AR: variants seen among roughly 807,000 people sequenced by gnomAD.
AR encodes androgen receptor, also known as dihydrotestosterone receptor.
Under a neutral mutation model 53.9 loss-of-function variants are expected in AR, and 8 were observed. The observed-to-expected ratio is 0.15, with a 90% CI of 0.09 to 0.27. The LOEUF is 0.27. Ranked by LOEUF, AR falls within the 10% of genes least tolerant of loss-of-function variation. The pLI, the probability that AR is intolerant of heterozygous loss-of-function variation, is 1.00. For synonymous variants in AR, 359 were observed against 316.4 expected (o/e 1.13, Z -1.43); for missense variants, 639 against 742.5 (o/e 0.86, Z 1.62).
intron 3 of AR, among the ~76,000 whole-genome samples, chrX:67,710,825 A>G (rs776375713): frequency 2.7e-5 from 3 of 111,955 alleles, no homozygotes; most frequent in East Asian, 2.8e-4. Flanking sequence ...ATCCTCATCA[A>G]TCTTCAAATT....
chrX:67,590,907 T>C (rs1358479384), intron 1 of AR, among the ~76,000 whole-genome samples: 1 of 112,104 alleles, frequency 8.9e-6, no homozygotes, highest in East Asian at 2.8e-4. Context: ...TGACAGGAAA[T>C]TGGCTGCGTT....
intron 1 of AR, among the ~76,000 whole-genome samples, chrX:67,606,584 T>C: frequency 8.9e-6 from 1 of 112,510 alleles, no homozygotes; most frequent in Non-Finnish European, 1.9e-5. Context: ...GATATTGAAC[T>C]GTTTTATGAA....
At chrX:67,654,486 G>A (rs1926496294) in intron 2 of AR, among the ~76,000 whole-genome samples, 1 of 110,429 alleles carries the variant, frequency 9.1e-6, no homozygotes, top group Non-Finnish European at 1.9e-5. Flanking sequence ...TACACTGTGA[G>A]TAACATTCCC....
chrX:67,567,099 G>A (rs1428554599), intron 1 of AR, among the ~76,000 whole-genome samples: 4 of 110,591 alleles, frequency 3.6e-5, no homozygotes, highest in African/African-American at 9.9e-5. Flanking sequence ...TTTCATAGAG[G>A]CCATTAAATG....
At chrX:67,586,738 G>A (rs181685870) in intron 1 of AR, among the ~76,000 whole-genome samples, 6 of 112,036 alleles carry the variant, frequency 5.4e-5, no homozygotes, top group Admixed American at 4.7e-4. Flanking sequence ...TATTATGGAA[G>A]TTTATAGTTC....
At chrX:67,593,366 T>C (rs1659947414) in intron 1 of AR, among the ~76,000 whole-genome samples, 1 of 108,100 alleles carries the variant, frequency 9.3e-6, no homozygotes, top group Non-Finnish European at 1.9e-5. Flanking sequence ...TTTTTTTTCT[T>C]TTTTTTTGAG....
intron 2 of AR, among the ~76,000 whole-genome samples, chrX:67,682,443 C>A (rs1474733814): frequency 1.8e-5 from 2 of 109,580 alleles, no homozygotes; most frequent in Non-Finnish European, 3.8e-5. Context: ...CACCACCACA[C>A]CTAGCTAATT....
chrX:67,552,120 C>T (rs1420498983), intron 1 of AR, among the ~76,000 whole-genome samples: 1 of 111,859 alleles, frequency 8.9e-6, no homozygotes, highest in African/African-American at 3.3e-5. Context: ...ACCATTATTG[C>T]AATCAATTTT....
At chrX:67,596,114 T>G (rs1923068778) in intron 1 of AR, among the ~76,000 whole-genome samples, 1 of 110,956 alleles carries the variant, frequency 9.0e-6, no homozygotes, top group Non-Finnish European at 1.9e-5. Flanking sequence ...TTTCACCATG[T>G]GACATGCCTG....
At chrX:67,626,610 T>TA (rs1924658451) in intron 1 of AR, among the ~76,000 whole-genome samples, 1 of 85,171 alleles carries the variant, frequency 1.2e-5, no homozygotes, top group African/African-American at 4.3e-5. Flanking sequence ...CCGACTAATT[T>TA]TATATATATA....
At chrX:67,623,605 T>C (rs1303893649) in intron 1 of AR, among the ~76,000 whole-genome samples, 3 of 109,369 alleles carry the variant, frequency 2.7e-5, no homozygotes, top group East Asian at 5.8e-4. Context: ...AACAGCAAAC[T>C]ACAAAGAAAG....
intron 3 of AR, among the ~76,000 whole-genome samples, chrX:67,697,190 A>T (rs2076024390): frequency 9.0e-6 from 1 of 111,547 alleles, no homozygotes. Flanking sequence ...ACCCTCGAAA[A>T]AACTTATAGG....
chrX:67,597,210 A>G (rs1923126010), intron 1 of AR, among the ~76,000 whole-genome samples: 1 of 112,076 alleles, frequency 8.9e-6, no homozygotes, highest in Non-Finnish European at 1.9e-5. Flanking sequence ...TCGTTGTTGT[A>G]GTGCAAAAGC....
chrX:67,628,848 C>T (rs1036817651), intron 1 of AR, among the ~76,000 whole-genome samples: 3 of 111,236 alleles, frequency 2.7e-5, no homozygotes, highest in Admixed American at 9.6e-5. Context: ...TAGCATGAAG[C>T]GTTATTGAAT....
Position 67,546,533 on chromosome X carries a change from G to A in AR, c.1387G>A (p.Gly463Ser), listed in dbSNP as rs1389109118. 1.2e-6 allele frequency: 1 copy of A among 854,866 alleles called. No individual in the cohort carries two copies. Among genetic ancestry groups the A allele is most frequent in the Non-Finnish European group, 1.4e-6 (1 of 691,716 alleles). 70.5% of individuals were successfully genotyped at this position (854,866 alleles called of 1,213,427 possible). A position where few individuals can be genotyped will look rare whatever the true frequency, so the allele number is the denominator to read the frequency against. ...GGGGGGGGGG[G>S]GGGGGGGGGG... is the part of the protein sequence containing the mutation. The stretch of plus-strand genomic sequence containing the variant: ...GGGTGGTGGCGGCGGCGGCGGCGGC[G>A]GCGGCGGCGGCGGCGGCGGCGGCGG... Residue 463 changes from glycine to serine, a missense_variant, in exon 1 of 8, where the codon GGC becomes AGC. Coordinates refer to ENST00000374690, the MANE Select transcript of AR (RefSeq NM_000044.6).
chrX:67,727,336 T>C lies in AR; in HGVS notation c.*3495T>C, dbSNP rs2076161882. On this transcript the variant is annotated 3_prime_UTR_variant, in exon 8 of 8. Transcript: ENST00000374690. ...ACTGGCACTAAAAAATATAGAGAGC[T>C]TCATTCTGTCCTTTGGGTAGTTGCT... is the stretch of plus-strand genomic sequence containing the variant. 5.9e-6 allele frequency: 1 copy of C among 169,748 alleles called. No individual in the cohort carries two copies. The highest frequency in any genetic ancestry group is 3.0e-5 in the African/African-American group (1 of 33,774). 14.0% of individuals were successfully genotyped at this position (169,748 alleles called of 1,213,427 possible).
At chrX:67,627,029 A>T (rs1345619520) in intron 1 of AR, among the ~76,000 whole-genome samples, 2 of 106,942 alleles carry the variant, frequency 1.9e-5, no homozygotes, top group Non-Finnish European at 3.8e-5. Flanking sequence ...CCAGTCTATC[A>T]TTGTTGGACA....
rs2147524345 is a variant in AR, at chrX:67,711,470, C to T, written c.1954C>T (p.Pro652Ser). Residue 652 changes from proline (P) to serine (S), a missense_variant, in exon 4 of 8, where the codon CCC becomes TCC. Around this residue, in one of 5 missense-constraint regions of AR, gnomAD observed 47 missense variants for 35.9 expected, o/e 1.31. Transcript: ENST00000374690. ...AGGAGAGGCTTCCAGCACCACCAGCCCCACTGAGGAGACAACCCAGAAGCT... is the reference window on the plus strand; with the variant it reads ...AGGAGAGGCTTCCAGCACCACCAGCTCCACTGAGGAGACAACCCAGAAGCT... ...EEGEASSTTS[P>S]TEETTQKLTV... 1 of 1,208,436 alleles carries T rather than the reference C, an allele frequency of 8.3e-7. No individual in the cohort carries two copies. The highest frequency in any genetic ancestry group is 1.1e-6 in the Non-Finnish European group (1 of 893,779).
intron 1 of AR, among the ~76,000 whole-genome samples, chrX:67,631,982 G>T (rs1925158771): frequency 8.8e-6 from 1 of 113,332 alleles, no homozygotes; most frequent in African/African-American, 3.2e-5. Context: ...CACTTGAGGA[G>T]GCAGTCTGCC....
Sources: allele counts gnomAD v4.1 joint callset (sites outside exome capture counted in the v4.1 genomes callset), GRCh38; gene constraint gnomAD v4.1.1; regional missense constraint gnomAD v4.1.1; transcripts MANE v1.5; gene names NCBI Gene and HGNC (gene_info 2026-07-23, HGNC 2026-07-21).